PACRG: variants seen among roughly 807,000 people sequenced by gnomAD.
The protein encoded by PACRG is parkin coregulated.
PACRG carries 29 observed loss-of-function variants against 29.7 expected under a neutral mutation model. That is an observed-to-expected ratio of 0.98 (90% CI 0.73 to 1.33). The LOEUF (loss-of-function observed/expected upper bound fraction) is 1.33. PACRG is among the 40% of genes most tolerant of loss of function. The pLI, the probability that PACRG is intolerant of heterozygous loss-of-function variation, is 0.00. For synonymous variants in PACRG, 116 were observed against 118.7 expected (o/e 0.98, Z 0.15); for missense variants, 279 against 316.2 (o/e 0.88, Z 0.89).
At chr6:162,793,886 G>A (rs1472762448) in intron 1 of PACRG, among the ~76,000 whole-genome samples, 1 of 152,068 alleles carries the variant, frequency 6.6e-6, no homozygotes, top group African/African-American at 2.4e-5. Context: ...AATAACTAAT[G>A]GATACTGGGC....
chr6:163,290,271 C>CGCGT (rs1364182011), intron 4 of PACRG, among the ~76,000 whole-genome samples: 3 of 100,258 alleles, frequency 3.0e-5, no homozygotes, highest in South Asian at 3.4e-4. Flanking sequence ...CATGCACGCG[C>CGCGT]GCGCGCGCAC....
chr6:163,291,983 A>G (rs570536682), intron 4 of PACRG, among the ~76,000 whole-genome samples: 1 of 152,348 alleles, frequency 6.6e-6, no homozygotes, highest in Non-Finnish European at 1.5e-5. Flanking sequence ...TTCAACAGAT[A>G]ATGGTACATT....
At chr6:162,886,898 A>G (rs1290690869) in intron 2 of PACRG, among the ~76,000 whole-genome samples, 2 of 152,158 alleles carry the variant, frequency 1.3e-5, no homozygotes, top group Non-Finnish European at 2.9e-5. Context: ...ATGCAACTCC[A>G]GTTATTATTA....
At chr6:162,727,586 G>A, upstream of PACRG, 2 of 1,472,082 alleles carry the variant, frequency 1.4e-6, no homozygotes, top group Non-Finnish European at 9.3e-7. Context: ...GGTCCTGGTC[G>A]GCCGAGGCGG....
At chr6:162,778,772 G>C (rs1783851043) in intron 1 of PACRG, among the ~76,000 whole-genome samples, 1 of 152,234 alleles carries the variant, frequency 6.6e-6, no homozygotes, top group African/African-American at 2.4e-5. Context: ...GGCAGGTGGA[G>C]CAGCACGCCC....
At chr6:162,940,412 C>T (rs1416225741) in intron 2 of PACRG, among the ~76,000 whole-genome samples, 1 of 151,934 alleles carries the variant, frequency 6.6e-6, no homozygotes, top group Non-Finnish European at 1.5e-5. Flanking sequence ...CTCTCCTGCC[C>T]ATTTCTCCTA....
intron 3 of PACRG, among the ~76,000 whole-genome samples, chr6:163,063,269 C>G (rs555484860): frequency 6.6e-6 from 1 of 152,184 alleles, no homozygotes; most frequent in Non-Finnish European, 1.5e-5. Flanking sequence ...GGCACTTTCA[C>G]CCCCTGGATC....
intron 2 of PACRG, among the ~76,000 whole-genome samples, chr6:163,021,305 C>T (rs1006398393): frequency 3.3e-5 from 5 of 152,190 alleles, no homozygotes; most frequent in African/African-American, 4.8e-5. Context: ...CTGGGTTGAT[C>T]GACAGCACTG....
At chr6:162,947,342 AATGAT>A (rs1799123638) in intron 2 of PACRG, among the ~76,000 whole-genome samples, 1 of 13,352 alleles carries the variant, frequency 7.5e-5, no homozygotes, top group Non-Finnish European at 4.2e-4. Flanking sequence ...TCATATATAT[AATGAT>A]TACATATATA....
At chr6:163,241,522 C>A (rs999136336) in intron 4 of PACRG, among the ~76,000 whole-genome samples, 1 of 152,140 alleles carries the variant, frequency 6.6e-6, no homozygotes, top group Non-Finnish European at 1.5e-5. Context: ...TGTTTTTACA[C>A]GATACATGCC....
At chr6:162,953,576 TCTGA>T (rs1422870754) in intron 2 of PACRG, among the ~76,000 whole-genome samples, 5 of 152,206 alleles carry the variant, frequency 3.3e-5, no homozygotes, top group African/African-American at 7.2e-5. Context: ...GAGATTATTC[TCTGA>T]CTGACTATCA....
At chr6:163,254,158 T>A (rs1249978658) in intron 4 of PACRG, among the ~76,000 whole-genome samples, 1 of 152,132 alleles carries the variant, frequency 6.6e-6, no homozygotes. Context: ...AACAGCACTT[T>A]AAAAAAAATC....
intron 2 of PACRG, among the ~76,000 whole-genome samples, chr6:162,854,098 G>T (rs1316279211): frequency 6.7e-6 from 1 of 148,922 alleles, no homozygotes; most frequent in Non-Finnish European, 1.5e-5. Context: ...TTTTTATTTT[G>T]TATTTGCCTT....
At chr6:163,248,902 A>G (rs1782795273) in intron 4 of PACRG, among the ~76,000 whole-genome samples, 1 of 151,610 alleles carries the variant, frequency 6.6e-6, no homozygotes, top group African/African-American at 2.4e-5. Context: ...CTGTTGGGAC[A>G]CTACTCGGGA....
At position 162,747,388 on chromosome 6, in the gene PACRG, A is replaced by AAC. The variant is rs1781122268; in HGVS notation, c.156+18997_156+18998insAC. Among the ~76,000 whole-genome samples the AAC allele has an allele frequency of 6.4e-4, 37 of 57,674 alleles. 3 individuals are homozygous for AAC. Among genetic ancestry groups the AAC allele is most frequent in the African/African-American group, 2.4e-3 (22 of 9,052 alleles). 37.8% of individuals were successfully genotyped at this position (57,674 alleles called of 152,430 possible). On this transcript the variant is annotated intron_variant, in intron 1 of 4. Transcript: ENST00000366888. ...TACACATACATATATATGTATATATATGTATATATATATGTATATATATAT... is the reference window on the plus strand; with the variant it reads ...TACACATACATATATATGTATATATAACTGTATATATATATGTATATATATAT...
rs1813875849 is a variant in PACRG, at chr6:163,089,261, G to C, written c.466G>C (p.Ala156Pro). The C allele has an allele frequency of 1.2e-6, 2 of 1,613,260 alleles. No homozygotes were observed. Among genetic ancestry groups the C allele is most frequent in the African/African-American group, 2.7e-5 (2 of 74,860 alleles). The change falls in exon 4 of 5, where the codon GCC (alanine) becomes CCC (proline). Residue 156 changes from alanine (A) to proline (P), a missense_variant and splice_region_variant. Coordinates refer to ENST00000366888, the MANE Select transcript of PACRG (RefSeq NM_001080379.2). ...LPQLIIPIKN[A>P]LNLRNRQVIC... is the part of the protein sequence containing the mutation. ...TTGGTCCTTCTTTTACCATATAGAT[G>C]CCTTGAACCTCCGAAACCGACAGGT...
intron 2 of PACRG, among the ~76,000 whole-genome samples, chr6:162,954,610 A>AT (rs542678824): frequency 1.4e-3 from 210 of 152,196 alleles, no homozygotes; most frequent in East Asian, 2.9e-3. Context: ...ATTTGGAGTG[A>AT]TTTTTTTCTC....
chr6:163,177,737 T>TTTTTTTTTTTTTTTTTTG (rs1779447560), intron 4 of PACRG, among the ~76,000 whole-genome samples: 1 of 141,814 alleles, frequency 7.1e-6, no homozygotes, highest in Non-Finnish European at 1.5e-5. Context: ...TTTTTTTTTT[T>TTTTTTTTTTTTTTTTTTG]GCGGGTGGGA....
At chr6:162,773,493 C>CTTTTTTTTTTTTTTT (rs1562582605) in intron 1 of PACRG, among the ~76,000 whole-genome samples, 16 of 82,718 alleles carry the variant, frequency 1.9e-4, no homozygotes, top group African/African-American at 7.6e-4. Context: ...TACAGCTTGT[C>CTTTTTTTTTTTTTTT]ATTTTTTTTT....
Sources: allele counts gnomAD v4.1 joint callset (sites outside exome capture counted in the v4.1 genomes callset), GRCh38; gene constraint gnomAD v4.1.1; transcripts MANE v1.5; gene names NCBI Gene and HGNC (gene_info 2026-07-23, HGNC 2026-07-21).